TMEM273: variants seen among roughly 807,000 people sequenced by gnomAD.
TMEM273 encodes the protein chromosome 10 open reading frame 128.
In TMEM273, 19 loss-of-function variants were observed where a neutral mutation model predicts 17.9. The ratio of observed to expected loss-of-function variants is 1.06; its 90% CI spans 0.74 to 1.55. The LOEUF (loss-of-function observed/expected upper bound fraction) is 1.55, where lower values mean the gene tolerates loss of function less well. Ranked by LOEUF, TMEM273 falls within the 40% of genes most tolerant of loss-of-function variation. TMEM273 has a pLI of 0.00. For missense variants in TMEM273, 194 were observed against 155.6 expected, an observed-to-expected ratio of 1.25 and a Z score of -1.31; for synonymous variants, 66 against 62.0, an observed-to-expected ratio of 1.07 and a Z score of -0.31.
intron 6 of TMEM273, among the ~76,000 whole-genome samples, chr10:49,156,419 C>G (rs1414899085): frequency 6.6e-6 from 1 of 152,126 alleles, no homozygotes; most frequent in Non-Finnish European, 1.5e-5. Flanking sequence ...AAAGGGGAAA[C>G]ATGGAAGAGA....
intron 1 of TMEM273, among the ~76,000 whole-genome samples, chr10:49,174,928 T>C (rs1846851479): frequency 6.6e-6 from 1 of 152,048 alleles, no homozygotes; most frequent in African/African-American, 2.4e-5. Flanking sequence ...TGCGTGAAAG[T>C]ACAGTGATTA....
chr10:49,168,163 C>T (rs561521062), intron 1 of TMEM273, among the ~76,000 whole-genome samples: 9 of 152,178 alleles, frequency 5.9e-5, no homozygotes, highest in Non-Finnish European at 1.2e-4. Flanking sequence ...CGCGTCTCCA[C>T]CCAATGCACT....
Position 49,165,758 on chromosome 10 carries a change from G to C in TMEM273, c.269+8C>G, listed in dbSNP as rs1406195526. On this transcript the variant is annotated splice_region_variant and intron_variant, in intron 4 of 6. Transcript: ENST00000374153. ...ACCTCTCCCTGACTGTGTGGGCAGTGACCTTACCTTGGGGCTCTCTTCTTT... is the reference window on the plus strand; with the variant it reads ...ACCTCTCCCTGACTGTGTGGGCAGTCACCTTACCTTGGGGCTCTCTTCTTT... The C allele has an allele frequency of 1.4e-5, 23 of 1,614,178 alleles. No homozygotes were observed. The highest frequency in any genetic ancestry group is 1.9e-5 in the Non-Finnish European group (23 of 1,180,018).
intron 5 of TMEM273, among the ~76,000 whole-genome samples, chr10:49,163,779 C>T (rs1845995250): frequency 6.6e-6 from 1 of 152,256 alleles, no homozygotes; most frequent in Non-Finnish European, 1.5e-5. Context: ...TGCTTTAATG[C>T]TTCACAATCA....
chr10:49,176,831 C>A (rs61670517), intron 1 of TMEM273, among the ~76,000 whole-genome samples: 9,608 of 152,262 alleles, frequency 0.063, 1,020 homozygotes, highest in African/African-American at 0.22. Flanking sequence ...CTGCGAGGCA[C>A]CAGCATCCGT....
chr10:49,166,847 GC>G (rs764854782), intron 3 of TMEM273, 21 bp downstream of exon 3: 1 of 1,612,524 alleles, frequency 6.2e-7, no homozygotes, highest in Admixed American at 1.7e-5. Flanking sequence ...GCAGAGCCAG[GC>G]CCGAGCACCA....
intron 1 of TMEM273, among the ~76,000 whole-genome samples, chr10:49,187,796 CAA>C (rs1277414465): frequency 2.6e-5 from 4 of 152,202 alleles, no homozygotes; most frequent in South Asian, 2.1e-4. Flanking sequence ...CTCTGAGTAG[CAA>C]AGAGTCTGCT....
intron 6 of TMEM273, among the ~76,000 whole-genome samples, chr10:49,158,685 C>T (rs751522908): frequency 3.9e-5 from 6 of 152,088 alleles, no homozygotes; most frequent in Non-Finnish European, 2.9e-5. Flanking sequence ...CCTAGAAATA[C>T]CCTAGTACGC....
At chr10:49,187,858 A>C (rs1255259685) in intron 1 of TMEM273, among the ~76,000 whole-genome samples, 1 of 152,258 alleles carries the variant, frequency 6.6e-6, no homozygotes, top group Non-Finnish European at 1.5e-5. Context: ...CAGTATCTAC[A>C]TGCCTACATG....
At chr10:49,164,927 C>G (rs1846072429) in intron 5 of TMEM273, among the ~76,000 whole-genome samples, 1 of 152,114 alleles carries the variant, frequency 6.6e-6, no homozygotes, top group South Asian at 2.1e-4. Context: ...CTCTCCTTGA[C>G]CCCCAGCACC....
In TMEM273 at chr10:49,166,984, A is replaced by G. The variant is rs1450760647; in HGVS notation, c.123T>C (p.Thr41=). 1 of 1,614,208 alleles carries G rather than the reference A, an allele frequency of 6.2e-7. No individual in the cohort carries two copies. The highest frequency in any genetic ancestry group is 1.7e-5 in the Admixed American group (1 of 60,030). The part of the protein sequence containing the change: ...EIDFKYALIG[T]AVGVAISAGF... ...CAGCAGATATGGCGACACCCACAGCAGTCCCGATGAGGGCGTACTTGAAAT... is the reference window on the plus strand; with the variant it reads ...CAGCAGATATGGCGACACCCACAGCGGTCCCGATGAGGGCGTACTTGAAAT... Residue 41 remains threonine, a synonymous_variant, in exon 3 of 7, where the codon ACT becomes ACC. Coordinates refer to ENST00000374153, the MANE Select transcript of TMEM273 (RefSeq NM_001288740.3).
At chr10:49,175,259 G>C (rs1846875516) in intron 1 of TMEM273, among the ~76,000 whole-genome samples, 1 of 152,170 alleles carries the variant, frequency 6.6e-6, no homozygotes. Context: ...AAGGTTTTCA[G>C]AAAAGCAGAG....
At chr10:49,173,863 G>T (rs74875751) in intron 1 of TMEM273, among the ~76,000 whole-genome samples, 2 of 152,138 alleles carry the variant, frequency 1.3e-5, no homozygotes, top group Non-Finnish European at 2.9e-5. Flanking sequence ...GAGAGACAAG[G>T]GGGGGCGATA....
intron 2 of TMEM273, 34 bp downstream of exon 2, chr10:49,167,875 C>A (rs768710483): frequency 3.1e-6 from 5 of 1,612,872 alleles, no homozygotes; most frequent in Non-Finnish European, 3.4e-6. Context: ...CTGCCCCTGA[C>A]CCTGTGCACA....
intron 1 of TMEM273, among the ~76,000 whole-genome samples, chr10:49,176,858 C>G (rs892022459): frequency 6.6e-6 from 1 of 152,352 alleles, no homozygotes. Flanking sequence ...CATCTCCACT[C>G]TAGTTAGCTT....
intron 1 of TMEM273, among the ~76,000 whole-genome samples, chr10:49,173,563 C>A (rs1462641404): frequency 6.6e-6 from 1 of 152,172 alleles, no homozygotes; most frequent in Admixed American, 6.5e-5. Flanking sequence ...TCTCGTCAGT[C>A]CAGGATCACT....
At position 49,155,934 on chromosome 10, in the gene TMEM273, A is replaced by G. The variant is rs1274591984; in HGVS notation, c.373-25T>C. On this transcript the variant is annotated intron_variant, in intron 6 of 6. Coordinates refer to ENST00000374153, the MANE Select transcript of TMEM273 (RefSeq NM_001288740.3). ...TCTGGAAAGGAAGAGAACCATCTGG[A>G]AGACTTATTGAGAGAGCAACTATAC... 3 of 1,613,972 alleles carry G rather than the reference A, an allele frequency of 1.9e-6. No homozygotes were observed. In the African/African-American group the frequency reaches 4.0e-5, roughly 22 times the overall value.
intron 1 of TMEM273, among the ~76,000 whole-genome samples, chr10:49,176,859 T>C (rs757830875): frequency 6.6e-6 from 1 of 152,250 alleles, no homozygotes; most frequent in Non-Finnish European, 1.5e-5. Flanking sequence ...ATCTCCACTC[T>C]AGTTAGCTTT....
chr10:49,165,416 A>G, intron 4 of TMEM273, 133 bp from the exon 5 acceptor site: 1 of 1,513,530 alleles, frequency 6.6e-7, no homozygotes, highest in African/African-American at 1.4e-5. Context: ...GAAACCTGGG[A>G]CAAACCACGT....
Sources: allele counts gnomAD v4.1 joint callset (sites outside exome capture counted in the v4.1 genomes callset), GRCh38; gene constraint gnomAD v4.1.1; transcripts MANE v1.5; gene names NCBI Gene and HGNC (gene_info 2026-07-23, HGNC 2026-07-21).